Variants in PCSK5 observed in about 807,000 individuals in gnomAD.
PCSK5 encodes prohormone convertase 5.
PCSK5 carries 129 observed loss-of-function variants against 233.2 expected under a neutral mutation model. The observed-to-expected ratio is 0.55, with a 90% confidence interval of 0.48 to 0.64. The LOEUF (loss-of-function observed/expected upper bound fraction) is 0.64, where lower values mean the gene tolerates loss of function less well. PCSK5 is among the 30% of genes least tolerant of loss of function. PCSK5 has a pLI of 0.00. For synonymous variants in PCSK5, 825 were observed against 879.2 expected (o/e 0.94, Z 1.09); for missense variants, 2,076 against 2,430.1 (o/e 0.85, Z 3.06).
At chr9:76,196,738 G>A (rs1327933873) in intron 20 of PCSK5, among the ~76,000 whole-genome samples, 1 of 152,196 alleles carries the variant, frequency 6.6e-6, no homozygotes, top group Non-Finnish European at 1.5e-5. Context: ...ACACACTGAT[G>A]TGGATATGTT....
At chr9:76,329,548 G>A (rs576289822) in intron 33 of PCSK5, among the ~76,000 whole-genome samples, 1 of 152,044 alleles carries the variant, frequency 6.6e-6, no homozygotes, top group East Asian at 1.9e-4. Context: ...GAAAAATACA[G>A]TCTTGGCTGG....
chr9:75,976,214 A>T (rs1488624498), intron 2 of PCSK5, among the ~76,000 whole-genome samples: 1 of 150,576 alleles, frequency 6.6e-6, no homozygotes, highest in African/African-American at 2.4e-5. Flanking sequence ...AGTTCTCATC[A>T]CTGGCTTTTC....
intron 5 of PCSK5, among the ~76,000 whole-genome samples, 174 bp from the exon 6 acceptor site, chr9:76,067,781 A>G (rs115103673): frequency 2.0e-3 from 302 of 152,366 alleles, no homozygotes; most frequent in African/African-American, 6.9e-3. Context: ...ATCCAAAACA[A>G]TCTAATTAAG....
intron 5 of PCSK5, among the ~76,000 whole-genome samples, chr9:76,046,160 G>GTTTTTTTTTTTTTTTTTTTTTTTTTTTT (rs71372041): frequency 1.7e-5 from 1 of 58,024 alleles, no homozygotes; most frequent in Non-Finnish European, 3.1e-5. Context: ...TTTTTCTTTT[G>GTTTTTTTTTTTTTTTTTTTTTTTTTTTT]TTTTTTTTTT....
At chr9:76,259,668 T>C (rs1439417538) in intron 24 of PCSK5, among the ~76,000 whole-genome samples, 1 of 152,234 alleles carries the variant, frequency 6.6e-6, no homozygotes, top group East Asian at 1.9e-4. Flanking sequence ...CCTTGAATCA[T>C]GCTTACCACA....
intron 24 of PCSK5, among the ~76,000 whole-genome samples, chr9:76,249,595 C>T (rs1200768198): frequency 6.6e-6 from 1 of 152,122 alleles, no homozygotes; most frequent in African/African-American, 2.4e-5. Flanking sequence ...TACCATTCTC[C>T]AATAAACAAT....
intron 10 of PCSK5, among the ~76,000 whole-genome samples, chr9:76,140,151 G>T (rs1587677563): frequency 6.6e-6 from 1 of 152,110 alleles, no homozygotes; most frequent in South Asian, 2.1e-4. Context: ...AATGCATGCG[G>T]TTTCACACTT....
At chr9:76,337,551 G>T (rs1363020821) in intron 34 of PCSK5, among the ~76,000 whole-genome samples, 1 of 151,934 alleles carries the variant, frequency 6.6e-6, no homozygotes, top group Non-Finnish European at 1.5e-5. Context: ...TCGGCTCACT[G>T]CAACCTCCAC....
chr9:76,296,847 G>A lies in PCSK5; in HGVS notation c.3505G>A (p.Glu1169Lys). The change falls in exon 27 of 38, where the codon GAG (glutamate) becomes AAG (lysine). Residue 1169 changes from glutamate (E) to lysine (K), a missense_variant. Physicochemically the swap from Glu to Lys is moderately conservative, Grantham distance 56 (BLOSUM62 1). Around this residue, in one of 6 missense-constraint regions of PCSK5, gnomAD observed 1,510 missense variants for 1,538.1 expected, o/e 0.98. Transcript: ENST00000674117. Reference protein sequence around the residue: ...MCVHATKTQEEGKFWNEAVST... With the variant: ...MCVHATKTQEKGKFWNEAVST... The stretch of plus-strand genomic sequence containing the variant: ...CGTGCATGCCACCAAGACCCAGGAG[G>A]AGGGCAAATTCTGGAATGGTATGTG... 3 of 1,610,378 alleles carry A rather than the reference G, an allele frequency of 1.9e-6. No individual in the cohort carries two copies. The highest frequency in any genetic ancestry group is 2.5e-6 in the Non-Finnish European group (3 of 1,179,188).
chr9:76,195,477 C>T (rs1260832900), intron 20 of PCSK5: 4 of 152,136 alleles, frequency 2.6e-5, no homozygotes, highest in African/African-American at 7.2e-5. Flanking sequence ...TGCAGGTGCA[C>T]GTCGCGGAAA....
intron 16 of PCSK5, among the ~76,000 whole-genome samples, chr9:76,182,267 C>T (rs1303446715): frequency 6.6e-6 from 1 of 152,132 alleles, no homozygotes; most frequent in African/African-American, 2.4e-5. Flanking sequence ...CAAATAGACA[C>T]CAGGCCTGTA....
At position 76,362,152 on chromosome 9, in the gene PCSK5, C is replaced by T. The variant is rs1287192014; in HGVS notation, c.*3230C>T. ...GTCATTCTTAGATGGCTTTTGAATA[C>T]TATGCTAATGACTATCTAAATAGAT... On this transcript the variant is annotated 3_prime_UTR_variant, in exon 38 of 38. Transcript: ENST00000674117. 6.6e-6 allele frequency: 1 copy of T among 152,122 alleles called. No homozygotes were observed. The highest frequency in any genetic ancestry group is 2.4e-5 in the African/African-American group (1 of 41,426). 9.4% of individuals were successfully genotyped at this position (152,122 alleles called of 1,614,324 possible).
intron 21 of PCSK5, among the ~76,000 whole-genome samples, chr9:76,229,136 A>T (rs1343879327): frequency 1.3e-5 from 2 of 152,250 alleles, no homozygotes. Context: ...GTGTCTCTTT[A>T]AAATAACTAT....
At chr9:75,961,016 G>A (rs1825330885) in intron 2 of PCSK5, among the ~76,000 whole-genome samples, 1 of 152,232 alleles carries the variant, frequency 6.6e-6, no homozygotes, top group Admixed American at 6.5e-5. Flanking sequence ...AAGTACCAGA[G>A]GAATGGCATC....
intron 10 of PCSK5, among the ~76,000 whole-genome samples, chr9:76,143,472 GAAT>G (rs1823311292): frequency 6.6e-6 from 1 of 152,072 alleles, no homozygotes; most frequent in Non-Finnish European, 1.5e-5. Flanking sequence ...ATGTCAAAAA[GAAT>G]ATTATTTCTT....
At chr9:76,095,577 G>A (rs1292161857) in intron 7 of PCSK5, among the ~76,000 whole-genome samples, 2 of 152,114 alleles carry the variant, frequency 1.3e-5, no homozygotes, top group Non-Finnish European at 2.9e-5. Context: ...AGCATAACGG[G>A]GACAGGAATT....
At chr9:76,308,354 C>T (rs78959640) in intron 28 of PCSK5, among the ~76,000 whole-genome samples, 1,907 of 152,302 alleles carry the variant, frequency 0.013, 36 homozygotes, top group African/African-American at 0.044. Context: ...TTCAAATATC[C>T]CCACAGTATT....
At chr9:75,968,765 G>A (rs1825698396) in intron 2 of PCSK5, among the ~76,000 whole-genome samples, 2 of 152,168 alleles carry the variant, frequency 1.3e-5, no homozygotes, top group African/African-American at 4.8e-5. Context: ...TGGAAAAATG[G>A]TCAGATCTGA....
chr9:76,014,982 CAG>C (rs972494045), intron 3 of PCSK5, among the ~76,000 whole-genome samples: 2 of 151,982 alleles, frequency 1.3e-5, no homozygotes, highest in African/African-American at 4.8e-5. Context: ...GAGGGAGAGA[CAG>C]AGATTTATCA....
Sources: allele counts gnomAD v4.1 joint callset (sites outside exome capture counted in the v4.1 genomes callset), GRCh38; gene constraint gnomAD v4.1.1; regional missense constraint gnomAD v4.1.1; transcripts MANE v1.5; gene names NCBI Gene and HGNC (gene_info 2026-07-23, HGNC 2026-07-21).